Variants in KAZN observed in about 807,000 individuals in gnomAD.
KAZN encodes kazrin.
KAZN carries 40 observed loss-of-function variants against 87.4 expected under a neutral mutation model. The observed-to-expected ratio is 0.46, with a 90% confidence interval of 0.36 to 0.60. KAZN has a LOEUF of 0.60. Among genes scored for constraint, KAZN ranks in the 20% least tolerant of loss-of-function variants. The pLI is 0.00. For missense variants in KAZN, 898 were observed against 1,073.9 expected, an observed-to-expected ratio of 0.84 and a Z score of 2.29; for synonymous variants, 466 against 458.3, an observed-to-expected ratio of 1.02 and a Z score of -0.22.
intron 2 of KAZN, among the ~76,000 whole-genome samples, chr1:14,283,204 A>C (rs1652984693): frequency 6.6e-6 from 1 of 151,624 alleles, no homozygotes; most frequent in South Asian, 2.1e-4. Context: ...CTAAAGTCTG[A>C]CTCTTTCCTT....
chr1:14,816,280 C>T (rs1278067798), intron 1 of KAZN, among the ~76,000 whole-genome samples: 1 of 152,174 alleles, frequency 6.6e-6, no homozygotes, highest in African/African-American at 2.4e-5. Context: ...TCCAGGAATG[C>T]TTAAATGGGT....
Position 14,999,910 on chromosome 1 carries a change from G to A in KAZN, c.419-34839G>A, listed in dbSNP as rs200131048. On this transcript the variant is annotated intron_variant, in intron 2 of 14. Coordinates refer to ENST00000376030, the MANE Select transcript of KAZN (RefSeq NM_201628.3). ...TGCTGGTCTTGACCCCAGGGCAGGG[G>A]CTGGTGGGGTGGGCACAACAGTGTC... Among the ~76,000 whole-genome samples, 30 of 152,276 alleles carry A rather than the reference G, an allele frequency of 2.0e-4. No homozygotes were observed. The East Asian group carries it at 5.4e-3, about 28-fold the overall frequency.
intron 2 of KAZN, among the ~76,000 whole-genome samples, chr1:14,421,910 C>G (rs1411952881): frequency 6.6e-6 from 1 of 152,188 alleles, no homozygotes; most frequent in East Asian, 1.9e-4. Flanking sequence ...ACTACACTGA[C>G]TGCCCAATGA....
intron 2 of KAZN, among the ~76,000 whole-genome samples, chr1:14,373,706 CCA>C (rs1173348152): frequency 6.6e-6 from 1 of 152,144 alleles, no homozygotes; most frequent in Admixed American, 6.5e-5. Flanking sequence ...GGGATGCATT[CCA>C]CAGAGTCCTA....
intron 1 of KAZN, among the ~76,000 whole-genome samples, chr1:14,130,716 T>C (rs1644974773): frequency 6.6e-6 from 1 of 152,194 alleles, no homozygotes; most frequent in African/African-American, 2.4e-5. Flanking sequence ...AGAATGTCTC[T>C]TTTTGGGACC....
chr1:14,171,806 G>A (rs1645959800), intron 1 of KAZN, among the ~76,000 whole-genome samples: 1 of 152,082 alleles, frequency 6.6e-6, no homozygotes, highest in Non-Finnish European at 1.5e-5. Context: ...TACATAAAAA[G>A]AGTTTAGGGT....
Position 15,066,119 on chromosome 1 carries a change from T to G in KAZN, c.1222+366T>G. ...TTCTTCAGTGTTTGGTTTTTCTTTT[T>G]CTTTTTGTTTGGTTCGTCGGTTTGT... is the stretch of plus-strand genomic sequence containing the variant. On this transcript the variant is annotated intron_variant, in intron 8 of 14. Transcript: ENST00000376030. The surrounding 1 kb of genome is among the most constrained non-coding windows in gnomAD (Gnocchi z 4.3). 1.8e-6 allele frequency: 2 copies of G among 1,100,382 alleles called. No homozygotes were observed. Among genetic ancestry groups the G allele is most frequent in the Non-Finnish European group, 1.1e-6 (1 of 904,054 alleles). 68.2% of individuals were successfully genotyped at this position (1,100,382 alleles called of 1,614,324 possible).
chr1:14,590,099 C>A (rs1676102826), intron 2 of KAZN, among the ~76,000 whole-genome samples: 2 of 151,986 alleles, frequency 1.3e-5, no homozygotes, highest in Admixed American at 6.6e-5. Flanking sequence ...TAAAAATAGC[C>A]CCCTACCCTC....
chr1:14,722,162 A>AT (rs1557916075), intron 1 of KAZN, among the ~76,000 whole-genome samples: 4 of 73,904 alleles, frequency 5.4e-5, no homozygotes, highest in South Asian at 5.2e-4. Context: ...AAAAAAAAAA[A>AT]GAATAAAAAA....
intron 1 of KAZN, among the ~76,000 whole-genome samples, chr1:14,605,146 G>A (rs558505295): frequency 6.6e-6 from 1 of 152,174 alleles, no homozygotes; most frequent in Non-Finnish European, 1.5e-5. Flanking sequence ...GCCACAAGAC[G>A]CTGGGGATTC....
At chr1:14,919,518 C>A (rs576283578) in intron 1 of KAZN, among the ~76,000 whole-genome samples, 251 of 152,328 alleles carry the variant, frequency 1.6e-3, no homozygotes, top group Middle Eastern at 3.4e-3. Flanking sequence ...GGGATCCTGA[C>A]ATTGTGGCTG....
At chr1:13,960,747 G>A (rs568094765) in intron 1 of KAZN, among the ~76,000 whole-genome samples, 45 of 152,306 alleles carry the variant, frequency 3.0e-4, no homozygotes, top group Non-Finnish European at 5.6e-4. Flanking sequence ...GACTGTCAGG[G>A]CTTGGTCAGT....
chr1:14,418,040 A>C (rs911431225), intron 2 of KAZN, among the ~76,000 whole-genome samples: 19 of 134,582 alleles, frequency 1.4e-4, no homozygotes, highest in East Asian at 6.5e-4. Context: ...AAAAAAAAAA[A>C]AAAACCTACA....
chr1:14,541,225 G>A (rs1354503738), intron 2 of KAZN, among the ~76,000 whole-genome samples: 1 of 152,180 alleles, frequency 6.6e-6, no homozygotes, highest in Non-Finnish European at 1.5e-5. Flanking sequence ...CCCCAAGGAC[G>A]AAGGAAATAG....
chr1:14,707,593 G>A (rs146441984), intron 1 of KAZN, among the ~76,000 whole-genome samples: 1 of 152,202 alleles, frequency 6.6e-6, no homozygotes, highest in East Asian at 1.9e-4. Context: ...ACCCTGTAAT[G>A]CTACAGAGGA....
chr1:14,685,620 G>T (rs1012696817), intron 1 of KAZN, among the ~76,000 whole-genome samples: 5 of 152,200 alleles, frequency 3.3e-5, no homozygotes, highest in African/African-American at 9.6e-5. Flanking sequence ...GTCACTTGTG[G>T]TTAGTTTCAA....
chr1:14,183,470 A>C (rs768220565), intron 2 of KAZN, among the ~76,000 whole-genome samples: 11 of 152,056 alleles, frequency 7.2e-5, no homozygotes, highest in Non-Finnish European at 1.5e-4. Context: ...AGGCCCCCAA[A>C]TTCAATGGAG....
intron 13 of KAZN, among the ~76,000 whole-genome samples, chr1:15,104,501 C>T (rs1426526506): frequency 6.6e-6 from 1 of 152,192 alleles, no homozygotes; most frequent in East Asian, 1.9e-4. Context: ...GGAAAGGCCA[C>T]GTGCAGGTGG....
chr1:14,398,557 T>C (rs1202133170), intron 2 of KAZN, among the ~76,000 whole-genome samples: 2 of 152,210 alleles, frequency 1.3e-5, no homozygotes, highest in African/African-American at 2.4e-5. Context: ...TGAGGTTGGT[T>C]GATGCCCAGG....
Sources: allele counts gnomAD v4.1 joint callset (sites outside exome capture counted in the v4.1 genomes callset), GRCh38; gene constraint gnomAD v4.1.1; non-coding constraint Gnocchi (gnomAD v3.1); transcripts MANE v1.5; gene names NCBI Gene and HGNC (gene_info 2026-07-23, HGNC 2026-07-21).